Variants in DNAAF5 observed in about 807,000 individuals in gnomAD.
The protein encoded by DNAAF5 is dynein axonemal assembly factor 5, also known as HEAT repeat containing 2.
Under a neutral mutation model 75.8 loss-of-function variants are expected in DNAAF5, and 64 were observed. That is an observed-to-expected ratio of 0.84 (90% CI 0.69 to 1.04). The LOEUF (loss-of-function observed/expected upper bound fraction) is 1.04, where lower values mean the gene tolerates loss of function less well. Among genes scored for constraint, DNAAF5 ranks in the 50% least tolerant of loss-of-function variants. The pLI, the probability that DNAAF5 is intolerant of heterozygous loss-of-function variation, is 0.00. For synonymous variants in DNAAF5, 657 were observed against 557.2 expected (o/e 1.18, Z -2.52); for missense variants, 1,269 against 1,178.5 (o/e 1.08, Z -1.12).
At chr7:768,057 G>T in intron 8 of DNAAF5, among the ~76,000 whole-genome samples, 1 of 144,034 alleles carries the variant, frequency 6.9e-6, no homozygotes, top group East Asian at 2.2e-4. Flanking sequence ...CAGACACGTG[G>T]TCCGGGCGGA....
chr7:737,487 T>C (rs1215704120), intron 2 of DNAAF5, among the ~76,000 whole-genome samples: 1 of 152,254 alleles, frequency 6.6e-6, no homozygotes, highest in Non-Finnish European at 1.5e-5. Flanking sequence ...CAACATTGTG[T>C]TGTTCTGTGT....
At chr7:758,625 G>C (rs1011312831) in intron 6 of DNAAF5, among the ~76,000 whole-genome samples, 7 of 152,148 alleles carry the variant, frequency 4.6e-5, no homozygotes, top group Non-Finnish European at 1.0e-4. Flanking sequence ...TCAGCCTCCT[G>C]AGTCACTGGG....
At position 763,984 on chromosome 7, in the gene DNAAF5, C is replaced by T. The variant is rs189816059; in HGVS notation, c.1783+10C>T. The T allele has an allele frequency of 1.8e-3, 2,869 of 1,600,946 alleles. 4 individuals carry two copies. The highest frequency in any genetic ancestry group is 2.1e-3 in the Non-Finnish European group (2,525 of 1,179,812). ...ATCGTCGCACAGTCAGGTGAGCCGT[C>T]CCGACAGCTGGCGTGCCGTGCCTGG... On this transcript the variant is annotated intron_variant, in intron 8 of 12. Transcript: ENST00000297440.
chr7:746,948 C>T (rs1349446144), intron 4 of DNAAF5, among the ~76,000 whole-genome samples: 2 of 152,232 alleles, frequency 1.3e-5, no homozygotes, highest in Admixed American at 6.5e-5. Context: ...GTGTCGGAGG[C>T]TCATGCATGG....
At chr7:773,037 T>TGGACCCCACACCC (rs1308008701) in intron 9 of DNAAF5, 1 of 151,976 alleles carries the variant, frequency 6.6e-6, no homozygotes, top group Non-Finnish European at 1.5e-5. Flanking sequence ...GGCCCACACT[T>TGGACCCCACACCC]GGACCCCACA....
chr7:781,742 G>A lies in DNAAF5; in HGVS notation c.2431+1598G>A, dbSNP rs73669686. On this transcript the variant is annotated intron_variant, in intron 12 of 12. Transcript: ENST00000297440. ...TTCTATGTGCATTTCTCTGAGGAGC[G>A]GTGGTGGTGGGCACCTTTTCAGACG... 3.3e-3 allele frequency among the ~76,000 whole-genome samples: 502 copies of A among 152,258 alleles called. 5 individuals carry two copies. Among genetic ancestry groups the A allele is most frequent in the African/African-American group, 0.011 (460 of 41,504 alleles).
chr7:780,941 GTGTGATAC>G (rs1778921162), intron 12 of DNAAF5, among the ~76,000 whole-genome samples: 1 of 148,450 alleles, frequency 6.7e-6, no homozygotes, highest in African/African-American at 2.5e-5. Context: ...TATAAGGCAT[GTGTGATAC>G]TGTGATACAG....
chr7:755,988 G>T (rs1458094232), intron 5 of DNAAF5, among the ~76,000 whole-genome samples: 1 of 92,958 alleles, frequency 1.1e-5, no homozygotes, highest in Non-Finnish European at 2.2e-5. Context: ...GAATCCCACA[G>T]TGCAGAGGGG....
At chr7:758,024 A>T (rs1459262902) in intron 6 of DNAAF5, among the ~76,000 whole-genome samples, 2 of 152,238 alleles carry the variant, frequency 1.3e-5, no homozygotes, top group African/African-American at 4.8e-5. Context: ...TTCCTGGAAT[A>T]CATAGAGGGA....
intron 1 of DNAAF5, 79 bp downstream of exon 1, chr7:727,394 C>G: frequency 1.3e-6 from 1 of 796,628 alleles, no homozygotes; most frequent in Non-Finnish European, 1.6e-6. Context: ...CCTCTCACAA[C>G]CCCCGCGGCT....
chr7:773,666 C>T (rs1562398606), intron 9 of DNAAF5, among the ~76,000 whole-genome samples: 3 of 152,178 alleles, frequency 2.0e-5, no homozygotes, highest in South Asian at 2.1e-4. Context: ...GGGAAAGGGG[C>T]TCACTGGGTG....
rs4398815 is a variant in DNAAF5, at chr7:729,763, C to T, written c.696C>T (p.Gly232=). ...KVRVAAIEAT[G]AVIHFGNGKS... is the part of the protein sequence containing the mutation. ...GTGTGGCCGCCATTGAAGCCACAGG[C>T]GCAGTGATCCATTTTGGCAACGGGA... The change falls in exon 2 of 13, where the codon GGC becomes GGT. Residue 232 remains glycine (G), a synonymous_variant. Transcript: ENST00000297440. 6.4e-5 allele frequency: 103 copies of T among 1,614,094 alleles called. 1 individual carries two copies. The highest frequency in any genetic ancestry group is 8.3e-5 in the Non-Finnish European group (98 of 1,180,038).
At chr7:756,700 G>T (rs1782495450) in intron 5 of DNAAF5, 82 bp from the exon 6 acceptor site, 1 of 1,282,988 alleles carries the variant, frequency 7.8e-7, no homozygotes, top group Non-Finnish European at 1.1e-6. Flanking sequence ...GGCTGTGTCT[G>T]GGAGGCCACG....
chr7:729,812 C>T lies in DNAAF5; in HGVS notation c.745C>T (p.His249Tyr), dbSNP rs1562372184. 6.2e-7 allele frequency: 1 copy of T among 1,614,212 alleles called. No homozygotes were observed. Among genetic ancestry groups the T allele is most frequent in the Non-Finnish European group, 8.5e-7 (1 of 1,180,036 alleles). The change falls in exon 2 of 13, where the codon CAT becomes TAT. Residue 249 changes from histidine to tyrosine, a missense_variant. Transcript: ENST00000297440. ...NGKSVDDVLS[H>Y]FAQRLFDDVP... is the part of the protein sequence containing the mutation. ...GAAGTCCGTGGACGACGTGCTTTCCCATTTTGCTCAGCGACTGTTTGATGA... is the reference window on the plus strand; with the variant it reads ...GAAGTCCGTGGACGACGTGCTTTCCTATTTTGCTCAGCGACTGTTTGATGA...
intron 2 of DNAAF5, 115 bp downstream of exon 2, chr7:729,962 C>G: frequency 1.0e-6 from 1 of 976,726 alleles, no homozygotes; most frequent in Non-Finnish European, 1.5e-6. Context: ...CACCAAATGT[C>G]CTTTCATTAT....
rs936034361 is a variant in DNAAF5, at chr7:754,889, G to A, written c.1257+68G>A. ...GAGCTTAAGATCCCGCCTCTGTGGT[G>A]TGCGGGGCCCGAGGCTGTACTGTAG... is the stretch of plus-strand genomic sequence containing the variant. On this transcript the variant is annotated intron_variant, in intron 5 of 12. Transcript: ENST00000297440. This position sits in a 1 kb window ranked among gnomAD's most constrained non-coding sequence, Gnocchi z 4.8. 6.5e-6 allele frequency: 8 copies of A among 1,239,894 alleles called. No homozygotes were observed. The African/African-American group carries it at 7.4e-5, about 12-fold the overall frequency. 76.8% of individuals were successfully genotyped at this position (1,239,894 alleles called of 1,614,324 possible). A position where few individuals can be genotyped will look rare whatever the true frequency, so the allele number is the denominator to read the frequency against.
Position 727,291 on chromosome 7 carries a change from G to T in DNAAF5, c.571G>T (p.Ala191Ser), listed in dbSNP as rs1781362057. The change falls in exon 1 of 13, where the codon GCC (alanine) becomes TCC (serine). Residue 191 changes from alanine (A) to serine (S), a missense_variant. Physicochemically the swap from Ala to Ser is moderately conservative, Grantham distance 99. Transcript: ENST00000297440. ...AVRRESCSCA[A>S]ALAQATPDHF... ...GCGCCGCGAGAGCTGCAGCTGCGCC[G>T]CCGCCCTGGCGCAGGCCACGCCCGG... is the stretch of plus-strand genomic sequence containing the variant. 1 of 1,300,582 alleles carries T rather than the reference G, an allele frequency of 7.7e-7. No homozygotes were observed. The highest frequency in any genetic ancestry group is 2.2e-5 in the South Asian group (1 of 45,770). 80.6% of individuals were successfully genotyped at this position (1,300,582 alleles called of 1,614,324 possible).
At chr7:747,170 C>T (rs1261454935) in intron 4 of DNAAF5, among the ~76,000 whole-genome samples, 1 of 152,212 alleles carries the variant, frequency 6.6e-6, no homozygotes, top group African/African-American at 2.4e-5. Flanking sequence ...AGGTACAGTC[C>T]TTACTTTGTT....
intron 8 of DNAAF5, among the ~76,000 whole-genome samples, chr7:766,532 A>G (rs1782826615): frequency 6.6e-6 from 1 of 152,274 alleles, no homozygotes; most frequent in Admixed American, 6.5e-5. Context: ...TTGAACCAAA[A>G]TAAAAGGAAC....
Sources: allele counts gnomAD v4.1 joint callset (sites outside exome capture counted in the v4.1 genomes callset), GRCh38; gene constraint gnomAD v4.1.1; non-coding constraint Gnocchi (gnomAD v3.1); transcripts MANE v1.5; gene names NCBI Gene and HGNC (gene_info 2026-07-23, HGNC 2026-07-21).